RBFOX1: variants seen among roughly 807,000 people sequenced by gnomAD.
RBFOX1 encodes the protein RNA binding protein fox-1 homolog 1.
Under a neutral mutation model 57.7 loss-of-function variants are expected in RBFOX1, and 8 were observed. That is an observed-to-expected ratio of 0.14 (90% CI 0.08 to 0.25). RBFOX1 has a LOEUF of 0.25. Among genes scored for constraint, RBFOX1 ranks in the 10% least tolerant of loss-of-function variants. The pLI, the probability that RBFOX1 is intolerant of heterozygous loss-of-function variation, is 1.00. For missense variants in RBFOX1, 611 were observed against 548.5 expected (o/e 1.11, Z -1.14); for synonymous variants, 326 against 222.4 (o/e 1.47, Z -4.15).
chr16:7,527,161 G>A (rs190353053), intron 5 of RBFOX1, among the ~76,000 whole-genome samples: 2 of 152,252 alleles, frequency 1.3e-5, no homozygotes, highest in African/African-American at 2.4e-5. Context: ...GTCAATACCA[G>A]TTCTATTTTC....
At chr16:6,552,720 A>G (rs369506003) in intron 2 of RBFOX1, among the ~76,000 whole-genome samples, 15 of 152,276 alleles carry the variant, frequency 9.9e-5, no homozygotes, top group African/African-American at 3.4e-4. Context: ...ATACACATAC[A>G]TATGTGTGTA....
intron 3 of RBFOX1, among the ~76,000 whole-genome samples, chr16:6,712,180 C>G (rs902254577): frequency 1.3e-5 from 2 of 152,144 alleles, no homozygotes; most frequent in Non-Finnish European, 2.9e-5. Context: ...TAGCCATCAT[C>G]ATTATTTACT....
chr16:6,304,542 A>C (rs1174773170), intron 1 of RBFOX1, among the ~76,000 whole-genome samples: 1 of 151,968 alleles, frequency 6.6e-6, no homozygotes, highest in Non-Finnish European at 1.5e-5. Context: ...AGGAGGGGAG[A>C]CGAATGGCTG....
intron 3 of RBFOX1, among the ~76,000 whole-genome samples, chr16:6,825,841 C>T (rs1171563820): frequency 3.3e-5 from 5 of 152,240 alleles, no homozygotes; most frequent in South Asian, 2.1e-4. Context: ...ATCTTCCATC[C>T]GGAAGGAGGA....
intron 3 of RBFOX1, among the ~76,000 whole-genome samples, chr16:6,926,779 G>C (rs899529966): frequency 2.0e-5 from 3 of 152,076 alleles, no homozygotes; most frequent in African/African-American, 4.8e-5. Flanking sequence ...GCTTCTGCTG[G>C]GTCTCTTGAG....
In RBFOX1 at chr16:7,073,268, T is replaced by C. The variant is rs531365512; in HGVS notation, c.27+21170T>C. ...CTGAGACTATTTTACCTGCAAAGCC[T>C]AAAATTTCTACTATTTGGCTCTTTT... On this transcript the variant is annotated intron_variant, in intron 4 of 15. Transcript: ENST00000550418. 4.6e-5 allele frequency among the ~76,000 whole-genome samples: 7 copies of C among 152,178 alleles called. No homozygotes were observed. The South Asian group carries it at 1.4e-3, about 31-fold the overall frequency.
chr16:5,564,136 C>A (rs2045981280), intron 2 of RBFOX1, among the ~76,000 whole-genome samples: 1 of 152,134 alleles, frequency 6.6e-6, no homozygotes, highest in Admixed American at 6.6e-5. Flanking sequence ...GCCTCAGCAT[C>A]CAGATAGCTG....
At chr16:7,248,304 C>T (rs1006153848) in intron 4 of RBFOX1, among the ~76,000 whole-genome samples, 1 of 152,200 alleles carries the variant, frequency 6.6e-6, no homozygotes, top group Admixed American at 6.5e-5. Context: ...CTACTGCTCA[C>T]TCCCTTCCTT....
intron 4 of RBFOX1, among the ~76,000 whole-genome samples, chr16:5,897,785 T>C (rs1212382813): frequency 6.6e-6 from 1 of 151,970 alleles, no homozygotes; most frequent in Non-Finnish European, 1.5e-5. Context: ...AGAGCATCTC[T>C]CAAGACAGCC....
At chr16:7,403,444 T>G (rs182639097) in intron 4 of RBFOX1, among the ~76,000 whole-genome samples, 23 of 152,320 alleles carry the variant, frequency 1.5e-4, no homozygotes, top group Non-Finnish European at 2.6e-4. Flanking sequence ...CCTACGAATT[T>G]GAGTGTTTTA....
chr16:5,900,600 C>T (rs557837617), intron 4 of RBFOX1, among the ~76,000 whole-genome samples: 18 of 152,256 alleles, frequency 1.2e-4, no homozygotes, highest in Middle Eastern at 3.4e-3. Flanking sequence ...GTTCCTCATC[C>T]GTATTCTTCC....
Position 7,273,661 on chromosome 16 carries a change from T to G in RBFOX1, c.27+221563T>G, listed in dbSNP as rs186689252. On this transcript the variant is annotated intron_variant, in intron 4 of 15. Transcript: ENST00000550418. ...ATGTAAGAGAAACTGCCTTTCGAAT[T>G]GGGAAGCTCTATTCTGATGAAAGAT... Among the ~76,000 whole-genome samples the G allele has an allele frequency of 2.5e-3, 374 of 152,312 alleles. 1 individual carries two copies. The highest frequency in any genetic ancestry group is 4.6e-3 in the South Asian group (22 of 4,826).
At chr16:5,856,601 A>ATG (rs2057077002) in intron 3 of RBFOX1, among the ~76,000 whole-genome samples, 5 of 107,300 alleles carry the variant, frequency 4.7e-5, no homozygotes, top group African/African-American at 1.8e-4. Flanking sequence ...ATATATATAT[A>ATG]TATAATCTTA....
At chr16:6,482,709 G>A (rs1395391918) in intron 2 of RBFOX1, among the ~76,000 whole-genome samples, 1 of 152,178 alleles carries the variant, frequency 6.6e-6, no homozygotes, top group African/African-American at 2.4e-5. Flanking sequence ...GCTTCTCGGA[G>A]ATGAAATAGG....
At chr16:5,327,265 A>T (rs1191429624) in intron 1 of RBFOX1, among the ~76,000 whole-genome samples, 2 of 152,064 alleles carry the variant, frequency 1.3e-5, no homozygotes, top group African/African-American at 4.8e-5. Context: ...GCTGAATGGG[A>T]CCCTGCCCCA....
chr16:6,963,629 C>T (rs1254642248), intron 3 of RBFOX1, among the ~76,000 whole-genome samples: 3 of 152,136 alleles, frequency 2.0e-5, no homozygotes, highest in Non-Finnish European at 4.4e-5. Context: ...TAAAAAGATC[C>T]AGGGGTGCCA....
intron 13 of RBFOX1, among the ~76,000 whole-genome samples, chr16:7,666,837 G>C (rs923889930): frequency 1.3e-5 from 2 of 152,194 alleles, no homozygotes; most frequent in Admixed American, 1.3e-4. Context: ...TCCTTTAGGA[G>C]ATTTTGTCTC....
chr16:5,839,802 G>T (rs1597448488), intron 3 of RBFOX1, among the ~76,000 whole-genome samples: 2 of 152,140 alleles, frequency 1.3e-5, no homozygotes, highest in Non-Finnish European at 2.9e-5. Context: ...TTCTTTTCTT[G>T]AGGCTATTTT....
intron 3 of RBFOX1, among the ~76,000 whole-genome samples, chr16:5,636,588 G>A (rs2048693518): frequency 6.6e-6 from 1 of 152,080 alleles, no homozygotes; most frequent in Non-Finnish European, 1.5e-5. Context: ...GATTTTATTG[G>A]CTCATGAACT....
Sources: allele counts gnomAD v4.1 joint callset (sites outside exome capture counted in the v4.1 genomes callset), GRCh38; gene constraint gnomAD v4.1.1; transcripts MANE v1.5; gene names NCBI Gene and HGNC (gene_info 2026-07-23, HGNC 2026-07-21).